The following PTPRD variants were observed in gnomAD, a reference collection of about 807,000 sequenced individuals.
The protein encoded by PTPRD is receptor-type tyrosine-protein phosphatase delta.
A neutral mutation model predicts 214.5 loss-of-function variants in PTPRD; 34 were observed. The ratio of observed to expected loss-of-function variants is 0.16; its 90% confidence interval spans 0.12 to 0.21. The LOEUF is 0.21. PTPRD is among the 10% of genes least tolerant of loss of function. The pLI, the probability that PTPRD is intolerant of heterozygous loss-of-function variation, is 1.00. For synonymous variants in PTPRD, 1,128 were observed against 845.7 expected, an observed-to-expected ratio of 1.33 and a Z score of -5.79; for missense variants, 2,545 against 2,398.7, an observed-to-expected ratio of 1.06 and a Z score of -1.27.
chr9:9,621,362 C>T lies in PTPRD; in HGVS notation c.-286-46581G>A, dbSNP rs536616762. 3.3e-5 allele frequency among the ~76,000 whole-genome samples: 5 copies of T among 152,322 alleles called. No individual in the cohort carries two copies. The South Asian group carries it at 1.0e-3, about 32-fold the overall frequency. On this transcript the variant is annotated intron_variant, in intron 7 of 45. Coordinates refer to ENST00000381196, the MANE Select transcript of PTPRD (RefSeq NM_002839.4). ...AACTGAAACTGCCAATGACTTTCCA[C>T]ATCCCTCATCCTATTTTATTATAGA...
chr9:9,028,442 G>C (rs1484051749), intron 10 of PTPRD, among the ~76,000 whole-genome samples: 4 of 152,064 alleles, frequency 2.6e-5, no homozygotes, highest in African/African-American at 4.8e-5. Context: ...AAACAGGAAT[G>C]TATTACATTT....
At chr9:9,776,861 G>T (rs916550367) in intron 5 of PTPRD, among the ~76,000 whole-genome samples, 1 of 152,008 alleles carries the variant, frequency 6.6e-6, no homozygotes, top group East Asian at 1.9e-4. Context: ...AAGCCCATTC[G>T]TTAACTAGAT....
intron 10 of PTPRD, among the ~76,000 whole-genome samples, chr9:9,081,999 C>T (rs1334640034): frequency 6.6e-6 from 1 of 151,914 alleles, no homozygotes; most frequent in African/African-American, 2.4e-5. Flanking sequence ...AGCCCAAGAC[C>T]AGACAGATTC....
chr9:9,084,511 C>A (rs1480903907), intron 10 of PTPRD, among the ~76,000 whole-genome samples: 1 of 152,028 alleles, frequency 6.6e-6, no homozygotes, highest in Admixed American at 6.6e-5. Flanking sequence ...ATGTAACAAA[C>A]CTGCATGTTT....
intron 2 of PTPRD, among the ~76,000 whole-genome samples, chr9:10,504,230 T>C (rs546110526): frequency 2.0e-5 from 3 of 148,840 alleles, no homozygotes; most frequent in Non-Finnish European, 3.0e-5. Context: ...GATATATGCA[T>C]CGAACTCTCT....
At chr9:9,868,184 C>T (rs944456394) in intron 5 of PTPRD, among the ~76,000 whole-genome samples, 12 of 152,176 alleles carry the variant, frequency 7.9e-5, no homozygotes, top group East Asian at 5.8e-4. Context: ...ATAGTTTTAG[C>T]ACTGTAAAAT....
chr9:9,200,289 G>A (rs942516332), intron 9 of PTPRD, among the ~76,000 whole-genome samples: 6 of 152,172 alleles, frequency 3.9e-5, no homozygotes, highest in African/African-American at 1.4e-4. Context: ...TTTTTGTTAT[G>A]TGAGATGAAA....
intron 7 of PTPRD, among the ~76,000 whole-genome samples, chr9:9,663,506 T>G (rs1434795750): frequency 6.6e-6 from 1 of 151,526 alleles, no homozygotes; most frequent in Non-Finnish European, 1.5e-5. Context: ...TTCTCATTGG[T>G]AGCTCAATCA....
intron 4 of PTPRD, among the ~76,000 whole-genome samples, chr9:9,962,873 C>T (rs1031893596): frequency 2.0e-5 from 3 of 151,974 alleles, no homozygotes; most frequent in Non-Finnish European, 2.9e-5. Flanking sequence ...AGTTGTAATG[C>T]ACCATAACTT....
chr9:9,739,820 C>CAT (rs34275197), intron 6 of PTPRD, among the ~76,000 whole-genome samples: 2,567 of 150,474 alleles, frequency 0.017, 26 homozygotes, highest in Middle Eastern at 0.043. Context: ...TTTTTCTCTA[C>CAT]ATATATATAT....
At chr9:9,797,594 C>A (rs2099011147) in intron 5 of PTPRD, among the ~76,000 whole-genome samples, 1 of 152,082 alleles carries the variant, frequency 6.6e-6, no homozygotes, top group South Asian at 2.1e-4. Flanking sequence ...GCCTGTAATC[C>A]CAGCACTTTG....
intron 5 of PTPRD, among the ~76,000 whole-genome samples, chr9:9,902,549 A>G (rs1692164430): frequency 6.6e-6 from 1 of 152,116 alleles, no homozygotes; most frequent in Non-Finnish European, 1.5e-5. Context: ...TAAAACCTCA[A>G]TTTTATATTT....
chr9:9,240,379 A>C (rs6477379), intron 9 of PTPRD, among the ~76,000 whole-genome samples: 84,901 of 152,008 alleles, frequency 0.56, 23,992 homozygotes, highest in Non-Finnish European at 0.6. Context: ...ACAAACATAA[A>C]AATTCTTTCT....
intron 2 of PTPRD, among the ~76,000 whole-genome samples, chr9:10,513,486 A>G (rs2048974660): frequency 6.6e-6 from 1 of 152,186 alleles, no homozygotes; most frequent in Admixed American, 6.5e-5. Flanking sequence ...ATCAAAGAAG[A>G]GCAATGGCAA....
At chr9:9,762,927 C>T (rs117183509) in intron 6 of PTPRD, among the ~76,000 whole-genome samples, 2 of 152,170 alleles carry the variant, frequency 1.3e-5, no homozygotes, top group Non-Finnish European at 1.5e-5. Context: ...AGTTCAATAC[C>T]AAGGTGACAA....
At chr9:8,731,560 T>C (rs2098659459) in intron 12 of PTPRD, among the ~76,000 whole-genome samples, 1 of 152,194 alleles carries the variant, frequency 6.6e-6, no homozygotes, top group Admixed American at 6.5e-5. Flanking sequence ...ATTTCAGTGT[T>C]TGAAGAAAAG....
intron 8 of PTPRD, among the ~76,000 whole-genome samples, chr9:9,423,029 C>G (rs1383406809): frequency 6.6e-6 from 1 of 152,122 alleles, no homozygotes; most frequent in Admixed American, 6.6e-5. Context: ...CAGAACAAAG[C>G]TGAGTCTAGA....
chr9:10,548,949 G>A (rs1054577562), intron 2 of PTPRD, among the ~76,000 whole-genome samples: 2 of 152,092 alleles, frequency 1.3e-5, no homozygotes, highest in Non-Finnish European at 2.9e-5. Flanking sequence ...AAATCGCAAA[G>A]GAAAATAAGA....
At chr9:9,042,709 T>C (rs1590353219) in intron 10 of PTPRD, among the ~76,000 whole-genome samples, 1 of 148,286 alleles carries the variant, frequency 6.7e-6, no homozygotes, top group South Asian at 2.2e-4. Flanking sequence ...GTGGCAGACA[T>C]AATCCATTTT....
Sources: gnomAD v4.1 joint callset for allele counts (sites outside exome capture counted in the v4.1 genomes callset) on GRCh38, gnomAD v4.1.1 for gene constraint, MANE v1.5 for transcripts, NCBI Gene and HGNC (gene_info 2026-07-23, HGNC 2026-07-21) for gene names.